Variants in ARHGAP25 observed in about 807,000 individuals in gnomAD.
The protein encoded by ARHGAP25 is Rho GTPase activating protein 25.
A neutral mutation model predicts 71.0 loss-of-function variants in ARHGAP25; 34 were observed. The observed-to-expected ratio is 0.48, with a 90% CI of 0.36 to 0.64. ARHGAP25 has a LOEUF of 0.64. ARHGAP25 is among the 30% of genes least tolerant of loss of function. ARHGAP25 has a pLI of 0.00. For missense variants in ARHGAP25, 706 were observed against 805.1 expected, an observed-to-expected ratio of 0.88 and a Z score of 1.49; for synonymous variants, 282 against 296.5, an observed-to-expected ratio of 0.95 and a Z score of 0.50.
rs140413752 is a variant in ARHGAP25, at chr2:68,822,634, C to T, written c.1495C>T (p.Arg499Trp). 1.4e-5 allele frequency: 23 copies of T among 1,614,004 alleles called. No individual in the cohort carries two copies. Among genetic ancestry groups the T allele is most frequent in the African/African-American group, 2.7e-5 (2 of 74,926 alleles). Residue 499 changes from arginine to tryptophan, a missense_variant, in exon 10 of 11, where the codon CGG becomes TGG. By Grantham distance (101) the Arg-to-Trp change is moderately radical. Coordinates refer to ENST00000409202, the MANE Select transcript of ARHGAP25 (RefSeq NM_001007231.3). ...CTTGCGCCAACTTTCTGACTCCCAA[C>T]GGACTTCCACCTACGATAACGTCCC... is the stretch of plus-strand genomic sequence containing the variant. The part of the protein sequence containing the change: ...QDLRQLSDSQ[R>W]TSTYDNVPSL...
rs6749051 is a variant in ARHGAP25 at position 68,767,466 on chromosome 2, G to A, written c.62-7755G>A. On this transcript the variant is annotated intron_variant, in intron 1 of 10. Coordinates refer to ENST00000409202, the MANE Select transcript of ARHGAP25 (RefSeq NM_001007231.3). The surrounding 1 kb of genome is among the most constrained non-coding windows in gnomAD (Gnocchi z 4.6). ...GTGTGTGTATGTGTGCGGGGTGTGG[G>A]CAGGGACGTATGAATCTGTTTATCA... 0.57 allele frequency among the ~76,000 whole-genome samples: 86,531 copies of A among 151,822 alleles called. 25,855 individuals carry two copies. Among genetic ancestry groups the A allele is most frequent in the South Asian group, 0.67 (3,203 of 4,804 alleles).
At chr2:68,805,752 C>T (rs1680317039) in intron 4 of ARHGAP25, among the ~76,000 whole-genome samples, 1 of 152,126 alleles carries the variant, frequency 6.6e-6, no homozygotes, top group African/African-American at 2.4e-5. Flanking sequence ...GTGGAATCCA[C>T]AGGAACTCGA....
At chr2:68,726,504 C>T (rs1674887378) in intron 2 of ARHGAP25, among the ~76,000 whole-genome samples, 1 of 152,338 alleles carries the variant, frequency 6.6e-6, no homozygotes, top group Admixed American at 6.5e-5. Context: ...AGACATTTCC[C>T]TTCCTGAGCC....
chr2:68,816,217 A>C (rs751851203), intron 6 of ARHGAP25, 72 bp from the exon 7 acceptor site: 1 of 1,269,202 alleles, frequency 7.9e-7, no homozygotes, highest in South Asian at 1.2e-5. Flanking sequence ...ATTCTGTCCC[A>C]GGGTCTCCTT....
intron 4 of ARHGAP25, among the ~76,000 whole-genome samples, chr2:68,806,604 G>A (rs1317585728): frequency 6.6e-6 from 1 of 152,202 alleles, no homozygotes; most frequent in Non-Finnish European, 1.5e-5. Context: ...ACTGGACAAA[G>A]GGATGACTCA....
intron 1 of ARHGAP25, among the ~76,000 whole-genome samples, chr2:68,758,685 A>G (rs1225515311): frequency 6.6e-6 from 1 of 152,096 alleles, no homozygotes; most frequent in Admixed American, 6.5e-5. Context: ...CTCCACTCCA[A>G]TAATGAATAG....
chr2:68,744,250 A>T (rs896468557), intron 1 of ARHGAP25, among the ~76,000 whole-genome samples: 4 of 151,762 alleles, frequency 2.6e-5, no homozygotes, highest in Admixed American at 6.6e-5. Flanking sequence ...TGCTTTCTGG[A>T]TATATATATA....
At chr2:68,813,106 T>C (rs1360916625) in intron 5 of ARHGAP25, among the ~76,000 whole-genome samples, 181 bp from the exon 6 acceptor site, 2 of 152,212 alleles carry the variant, frequency 1.3e-5, no homozygotes, top group Non-Finnish European at 2.9e-5. Flanking sequence ...AAGAATGTTG[T>C]TCCAGAAGGG....
chr2:68,714,779 T>C (rs1674571727), intron 2 of ARHGAP25, among the ~76,000 whole-genome samples: 1 of 152,174 alleles, frequency 6.6e-6, no homozygotes, highest in Non-Finnish European at 1.5e-5. Context: ...GCCTTCATCC[T>C]GATACACAGA....
chr2:68,716,978 C>A (rs1674626064), intron 2 of ARHGAP25, among the ~76,000 whole-genome samples: 1 of 152,156 alleles, frequency 6.6e-6, no homozygotes, highest in Non-Finnish European at 1.5e-5. Context: ...TAAATACAGT[C>A]ACACATCATT....
chr2:68,730,757 G>A (rs935470187), upstream of ARHGAP25, among the ~76,000 whole-genome samples: 1 of 152,136 alleles, frequency 6.6e-6, no homozygotes, highest in African/African-American at 2.4e-5. Flanking sequence ...TGGGTATGGG[G>A]CATCTTTGGG....
Position 68,807,325 on chromosome 2 carries a change from CCCCCAT to C in ARHGAP25, c.521_526del (p.Pro174_His175del). 1 of 1,614,238 alleles carries C rather than the reference CCCCCAT, an allele frequency of 6.2e-7. No individual in the cohort carries two copies. Among genetic ancestry groups the C allele is most frequent in the South Asian group, 1.1e-5 (1 of 91,088 alleles). ...CTGTGGCCTATGAACAGAAATTCGGCCCCCATCTGGTGCCCATCCTGGTGGAGAAAT... is the reference window on the plus strand; with the variant it reads ...CTGTGGCCTATGAACAGAAATTCGGCCTGGTGCCCATCCTGGTGGAGAAAT... On this transcript the variant is annotated inframe_deletion, in exon 5 of 11. Coordinates refer to ENST00000409202, the MANE Select transcript of ARHGAP25 (RefSeq NM_001007231.3).
intron 2 of ARHGAP25, among the ~76,000 whole-genome samples, chr2:68,719,741 T>G (rs1011486624): frequency 6.6e-6 from 1 of 152,034 alleles, no homozygotes; most frequent in African/African-American, 2.4e-5. Flanking sequence ...GAAACCTACT[T>G]CTTATAAGAA....
At chr2:68,822,190 A>G (rs2103723550) in intron 9 of ARHGAP25, 150 bp from the exon 10 acceptor site, 1 of 773,130 alleles carries the variant, frequency 1.3e-6, no homozygotes, top group Non-Finnish European at 2.1e-6. Context: ...AAAAAATGCT[A>G]ATGCAGATAA....
chr2:68,790,985 C>T (rs1375458187), intron 4 of ARHGAP25, among the ~76,000 whole-genome samples: 10 of 152,192 alleles, frequency 6.6e-5, no homozygotes, highest in Admixed American at 2.0e-4. Context: ...ACATCCTACC[C>T]GTGTTCCTGC....
intron 1 of ARHGAP25, among the ~76,000 whole-genome samples, chr2:68,752,591 G>C (rs1676243041): frequency 6.6e-6 from 1 of 152,144 alleles, no homozygotes; most frequent in South Asian, 2.1e-4. Flanking sequence ...TAGCCAACTA[G>C]AGCAGAATGA....
chr2:68,765,359 G>T (rs1276821247), intron 1 of ARHGAP25, among the ~76,000 whole-genome samples: 1 of 90,170 alleles, frequency 1.1e-5, no homozygotes, highest in Non-Finnish European at 2.7e-5. Context: ...TAGTTGACAT[G>T]TAAAAAAAAA....
chr2:68,789,505 G>A (rs1286331543), intron 4 of ARHGAP25, among the ~76,000 whole-genome samples: 1 of 152,174 alleles, frequency 6.6e-6, no homozygotes, highest in Non-Finnish European at 1.5e-5. Context: ...ACCAAGAAAG[G>A]GGACATTAGC....
At chr2:68,728,242 A>G (rs145379014) in intron 2 of ARHGAP25, among the ~76,000 whole-genome samples, 11 of 152,356 alleles carry the variant, frequency 7.2e-5, no homozygotes, top group African/African-American at 1.9e-4. Flanking sequence ...ATTAGTCATC[A>G]GGGAAATGCA....
Sources: gnomAD v4.1 joint callset for allele counts (sites outside exome capture counted in the v4.1 genomes callset) on GRCh38, gnomAD v4.1.1 for gene constraint, Gnocchi (gnomAD v3.1) non-coding constraint, MANE v1.5 for transcripts, NCBI Gene and HGNC (gene_info 2026-07-23, HGNC 2026-07-21) for gene names.